Variants in MMP12 observed in about 807,000 individuals in gnomAD.
MMP12 encodes the protein macrophage metalloelastase.
MMP12 carries 51 observed loss-of-function variants against 45.2 expected under a neutral mutation model. The observed-to-expected ratio is 1.13, with a 90% CI of 0.90 to 1.42. MMP12 has a LOEUF of 1.42. MMP12 is among the 40% of genes most tolerant of loss of function. MMP12 has a pLI of 0.00. For missense variants in MMP12, 530 were observed against 570.8 expected, an observed-to-expected ratio of 0.93 and a Z score of 0.73; for synonymous variants, 210 against 193.3, an observed-to-expected ratio of 1.09 and a Z score of -0.72.
Position 102,865,982 on chromosome 11 carries a change from T to A in MMP12, c.1046-47A>T, listed in dbSNP as rs782081556. ...GTAAATTTGAATTATACAGGAAGAG[T>A]AATAAGAAAATATTGATTTACTATA... On this transcript the variant is annotated intron_variant, in intron 7 of 9. Coordinates refer to ENST00000571244, the MANE Select transcript of MMP12 (RefSeq NM_002426.6). This position sits in a 1 kb window ranked among gnomAD's most constrained non-coding sequence, Gnocchi z 4.1. The A allele has an allele frequency of 7.1e-7, 1 of 1,406,396 alleles. No homozygotes were observed. Among genetic ancestry groups the A allele is most frequent in the Non-Finnish European group, 9.8e-7 (1 of 1,021,486 alleles). The allele number at this position is 1,406,396 out of a possible 1,614,324, so 87.1% of individuals were successfully genotyped here.
Position 102,864,254 on chromosome 11 carries a change from T to C in MMP12, c.1206-2A>G. ...ATCATCTGTCTCCTTTCATCATACC[T>C]GAGCAAAGAAGTAACCAGCAGGAAC... On this transcript the variant is annotated splice_acceptor_variant, in intron 8 of 9. Coordinates refer to ENST00000571244, the MANE Select transcript of MMP12 (RefSeq NM_002426.6). LOFTEE classifies it high-confidence loss of function. 1 of 1,605,272 alleles carries C rather than the reference T, an allele frequency of 6.2e-7. No individual in the cohort carries two copies. Among genetic ancestry groups the C allele is most frequent in the Non-Finnish European group, 8.5e-7 (1 of 1,172,304 alleles).
In MMP12 at chr11:102,865,775, C is replaced by T. The variant is rs1859373284; in HGVS notation, c.1205+1G>A. On this transcript the variant is annotated splice_donor_variant, in intron 8 of 9. Transcript: ENST00000571244. LOFTEE classifies it high-confidence loss of function. The surrounding 1 kb of genome is among the most constrained non-coding windows in gnomAD (Gnocchi z 4.1). ...TCGAATGACCAACCATTAAAACTCA[C>T]CTCCAATACTGGTTATCTACAAAGA... The T allele has an allele frequency of 8.1e-6, 13 of 1,607,622 alleles. No individual in the cohort carries two copies. Among genetic ancestry groups the T allele is most frequent in the South Asian group, 1.1e-5 (1 of 89,912 alleles).
intron 4 of MMP12, among the ~76,000 whole-genome samples, chr11:102,869,638 C>T (rs911161786): frequency 5.3e-5 from 8 of 151,812 alleles, no homozygotes; most frequent in Admixed American, 3.3e-4. Context: ...AGGCTGGATG[C>T]GGTGACTCAC....
In MMP12 at chr11:102,874,920, T is replaced by C; in HGVS notation, c.18A>G (p.Ile6Met). 7 of 1,597,794 alleles carry C rather than the reference T, an allele frequency of 4.4e-6. No homozygotes were observed. The highest frequency in any genetic ancestry group is 6.0e-6 in the Non-Finnish European group (7 of 1,171,310). Residue 6 changes from isoleucine to methionine, a missense_variant, in exon 1 of 10, where the codon ATA (isoleucine) becomes ATG (methionine). By Grantham distance (10) the Ile-to-Met change is conservative. Coordinates refer to ENST00000571244, the MANE Select transcript of MMP12 (RefSeq NM_002426.6). The part of the protein sequence containing the change: MKFLL[I>M]LLLQATASGA... ...CAGAAGCAGTGGCCTGCAGGAGCAG[T>C]ATTAGAAGAAACTTCATTGTAAACT...
Position 102,867,890 on chromosome 11 carries a change from A to G in MMP12, c.787+18T>C, listed in dbSNP as rs1555008805. The G allele has an allele frequency of 2.5e-6, 4 of 1,599,886 alleles. No homozygotes were observed. ...GCGAGTATCTTTATATGGCAAAATG[A>G]TAAAGAATTCAACTCACCATACAGG... On this transcript the variant is annotated intron_variant, in intron 5 of 9. Coordinates refer to ENST00000571244, the MANE Select transcript of MMP12 (RefSeq NM_002426.6).
chr11:102,873,576 G>T (rs1419272469), intron 1 of MMP12, among the ~76,000 whole-genome samples: 1 of 151,960 alleles, frequency 6.6e-6, no homozygotes, highest in Non-Finnish European at 1.5e-5. Flanking sequence ...CTCCAGCCTG[G>T]ATGACAGACA....
chr11:102,868,063 T>A lies in MMP12; in HGVS notation c.632A>T (p.Asn211Ile), dbSNP rs1391808928. 2 of 1,593,656 alleles carry A rather than the reference T, an allele frequency of 1.3e-6. No individual in the cohort carries two copies. The highest frequency in any genetic ancestry group is 1.7e-6 in the Non-Finnish European group (2 of 1,169,776). Residue 211 changes from asparagine to isoleucine, a missense_variant, in exon 5 of 10, where the codon AAC becomes ATC. Physicochemically the swap from Asn to Ile is moderately radical, Grantham distance 149 (BLOSUM62 -3). Transcript: ENST00000571244. ...CTCGTGAACAGCAGTGAGGAACAAG[T>A]TTGTGCCTAAGAAGAAACCAACCAA... is the stretch of plus-strand genomic sequence containing the variant. ...EFWTTHSGGT[N>I]LFLTAVHEIG...
Position 102,864,147 on chromosome 11 carries a change from GT to G in MMP12, c.1310del (p.Asn437ThrfsTer26), listed in dbSNP as rs1555008179. On this transcript the variant is annotated frameshift_variant and splice_region_variant, in exon 9 of 10. Transcript: ENST00000571244. LOFTEE classifies it low-confidence loss of function (END_TRUNC). ...TTCATGGTTTCCTCATCTACTTACT[GT>G]TTTTAGAGTAGAAGACTGCATCAAT... is the stretch of plus-strand genomic sequence containing the variant. Reference protein sequence around the residue: ...PKIDAVFYSKNKYYYFFQGSN... With the variant: ...PKIDAVFYSKXKYYYFFQGSN... The G allele has an allele frequency of 1.9e-6, 3 of 1,590,852 alleles. No individual in the cohort carries two copies. The highest frequency in any genetic ancestry group is 1.7e-6 in the Non-Finnish European group (2 of 1,158,938).
chr11:102,869,595 T>C (rs117258101), intron 4 of MMP12, among the ~76,000 whole-genome samples: 1 of 152,232 alleles, frequency 6.6e-6, no homozygotes, highest in Non-Finnish European at 1.5e-5. Flanking sequence ...CCTATTTGTT[T>C]ATTTGATTTA....
Position 102,872,948 on chromosome 11 carries a change from T to C in MMP12, c.267A>G (p.Ala89=), listed in dbSNP as rs199864643. Residue 89 remains alanine, a synonymous_variant, in exon 2 of 10, where the codon GCA becomes GCG. Transcript: ENST00000571244. ...LDTSTLEMMH[A]PRCGVPDVHH... ...GGACATCGGGGACTCCACATCGAGG[T>C]GCGTGCATCATCTCCAGGGTAGATG... The C allele has an allele frequency of 3.7e-6, 6 of 1,613,564 alleles. No homozygotes were observed. Among genetic ancestry groups the C allele is most frequent in the Non-Finnish European group, 5.1e-6 (6 of 1,179,804 alleles).
Position 102,863,077 on chromosome 11 carries a change from A to G in MMP12, c.*23T>C. 1 of 1,529,820 alleles carries G rather than the reference A, an allele frequency of 6.5e-7. No individual in the cohort carries two copies. Among genetic ancestry groups the G allele is most frequent in the Non-Finnish European group, 9.0e-7 (1 of 1,110,050 alleles). 94.8% of individuals were successfully genotyped at this position (1,529,820 alleles called of 1,614,324 possible). ...ACTTATTAAGCTGAAGTGAACTAACAAAAACCATTAATTACACCATTTCTA... is the reference window on the plus strand; with the variant it reads ...ACTTATTAAGCTGAAGTGAACTAACGAAAACCATTAATTACACCATTTCTA... On this transcript the variant is annotated 3_prime_UTR_variant, in exon 10 of 10. Transcript: ENST00000571244.
intron 7 of MMP12, 22 bp downstream of exon 7, chr11:102,866,293 C>G: frequency 6.4e-7 from 1 of 1,550,526 alleles, no homozygotes; most frequent in Non-Finnish European, 8.7e-7. Context: ...AACTCAATGG[C>G]AAAACTAAAG....
chr11:102,867,867 G>T (rs142575326), intron 5 of MMP12, 41 bp downstream of exon 5: 19 of 1,558,688 alleles, frequency 1.2e-5, no homozygotes, highest in Admixed American at 1.8e-5. Context: ...TCATAAAAGC[G>T]AGTATCTTTA....
chr11:102,873,027 T>G lies in MMP12; in HGVS notation c.188A>C (p.Lys63Thr). The change falls in exon 2 of 10, where the codon AAA becomes ACA. Residue 63 changes from lysine (K) to threonine (T), a missense_variant. Lys to Thr is a moderately conservative substitution (Grantham distance 78, BLOSUM62 -1). Coordinates refer to ENST00000571244, the MANE Select transcript of MMP12 (RefSeq NM_002426.6). ...CAAGAAGTGCTGCATTTCTTGGATT[T>G]TTTCCTTCATTAAGTTTCCACTATA... ...MKYSGNLMKE[K>T]IQEMQHFLGL... is the part of the protein sequence containing the mutation. The G allele has an allele frequency of 1.2e-6, 2 of 1,613,232 alleles. No homozygotes were observed. The highest frequency in any genetic ancestry group is 1.7e-6 in the Non-Finnish European group (2 of 1,179,526).
At position 102,866,411 on chromosome 11, in the gene MMP12, T is replaced by A. The variant is rs1555008572; in HGVS notation, c.949A>T (p.Ser317Cys). The A allele has an allele frequency of 6.2e-7, 1 of 1,609,918 alleles. No individual in the cohort carries two copies. The highest frequency in any genetic ancestry group is 2.2e-5 in the East Asian group (1 of 44,800). The change falls in exon 7 of 10, where the codon AGT becomes TGT. Residue 317 changes from serine to cysteine, a missense_variant. Coordinates refer to ENST00000571244, the MANE Select transcript of MMP12 (RefSeq NM_002426.6). ...WLKVSERPKTSVNLISSLWPT... is the reference protein window; with the variant it reads ...WLKVSERPKTCVNLISSLWPT... Reference sequence around the variant, plus strand: ...CATAAGGAAGAAATTAAATTAACACTGGTCTTTGGTCTCTCAGAAACCTTC... The same window carrying A: ...CATAAGGAAGAAATTAAATTAACACAGGTCTTTGGTCTCTCAGAAACCTTC...
At position 102,862,843 on chromosome 11, in the gene MMP12, C is replaced by G. The variant is rs1859316528; in HGVS notation, c.*257G>C. On this transcript the variant is annotated 3_prime_UTR_variant, in exon 10 of 10. Coordinates refer to ENST00000571244, the MANE Select transcript of MMP12 (RefSeq NM_002426.6). Reference sequence around the variant, plus strand: ...GGATGTTAGGAAGCAACTTACAGAGCATGCTTCAAATAGAATTCTCTTGGC... The same window carrying G: ...GGATGTTAGGAAGCAACTTACAGAGGATGCTTCAAATAGAATTCTCTTGGC... 3.8e-6 allele frequency: 1 copy of G among 262,972 alleles called. No individual in the cohort carries two copies. Among genetic ancestry groups the G allele is most frequent in the Non-Finnish European group, 7.1e-6 (1 of 141,836 alleles). The allele number at this position is 262,972 out of a possible 1,614,324, so 16.3% of individuals were successfully genotyped here.
chr11:102,874,981 C>G lies in MMP12; in HGVS notation c.-44G>C. 1 of 1,340,564 alleles carries G rather than the reference C, an allele frequency of 7.5e-7. No individual in the cohort carries two copies. The highest frequency in any genetic ancestry group is 1.0e-6 in the Non-Finnish European group (1 of 955,064). 83.0% of individuals were successfully genotyped at this position (1,340,564 alleles called of 1,614,324 possible). A position where few individuals can be genotyped will look rare whatever the true frequency, so the allele number is the denominator to read the frequency against. On this transcript the variant is annotated 5_prime_UTR_variant, in exon 1 of 10. Coordinates refer to ENST00000571244, the MANE Select transcript of MMP12 (RefSeq NM_002426.6). ...TCAATTCAGTTTACTGTGTTCCTTT[C>G]TAGCCTAAGTTCCTGAACTGTTCCT...
At chr11:102,870,648 A>G (rs1859476911) in intron 4 of MMP12, among the ~76,000 whole-genome samples, 1 of 152,176 alleles carries the variant, frequency 6.6e-6, no homozygotes, top group Non-Finnish European at 1.5e-5. Flanking sequence ...CCTCTAAATA[A>G]CAGGGGAGTT....
Position 102,863,041 on chromosome 11 carries a change from A to G in MMP12, c.*59T>C, listed in dbSNP as rs372406695. ...GTGGTACACTGAGGACATAGCAAAT[A>G]TGCAATAAATACTTATTAAGCTGAA... On this transcript the variant is annotated 3_prime_UTR_variant, in exon 10 of 10. Transcript: ENST00000571244. 6 of 1,091,076 alleles carry G rather than the reference A, an allele frequency of 5.5e-6. No homozygotes were observed. The South Asian group carries it at 7.0e-5, about 13-fold the overall frequency. 67.6% of individuals were successfully genotyped at this position (1,091,076 alleles called of 1,614,324 possible).
Sources: gnomAD v4.1 joint callset for allele counts (sites outside exome capture counted in the v4.1 genomes callset) on GRCh38, gnomAD v4.1.1 for gene constraint, Gnocchi (gnomAD v3.1) non-coding constraint, MANE v1.5 for transcripts, NCBI Gene and HGNC (gene_info 2026-07-23, HGNC 2026-07-21) for gene names.